The following CPEB2 variants were observed in gnomAD, a reference collection of about 807,000 sequenced individuals.
CPEB2 encodes cytoplasmic polyadenylation element binding protein 2.
In CPEB2, 56 loss-of-function variants were observed where a neutral mutation model predicts 93.6. That is an observed-to-expected ratio of 0.60 (90% CI 0.48 to 0.75). CPEB2 has a LOEUF of 0.75. CPEB2 is among the 30% of genes least tolerant of loss of function. CPEB2 has a pLI of 0.00. For synonymous variants in CPEB2, 764 were observed against 586.3 expected, an observed-to-expected ratio of 1.30 and a Z score of -4.38; for missense variants, 1,579 against 1,395.1, an observed-to-expected ratio of 1.13 and a Z score of -2.10.
At chr4:15,046,503 G>C (rs1464323447) in intron 6 of CPEB2, among the ~76,000 whole-genome samples, 3 of 152,226 alleles carry the variant, frequency 2.0e-5, no homozygotes, top group Non-Finnish European at 4.4e-5. Flanking sequence ...TGGGATTACA[G>C]GCATGAGCCA....
intron 3 of CPEB2, among the ~76,000 whole-genome samples, chr4:15,015,361 C>A (rs988360122): frequency 2.6e-5 from 4 of 151,998 alleles, no homozygotes; most frequent in African/African-American, 9.7e-5. Context: ...CCTCAGGGGC[C>A]TTTCAGTAAA....
Position 15,055,637 on chromosome 4 carries a change from C to T in CPEB2, c.2461+1420C>T, listed in dbSNP as rs554222305. Reference sequence around the variant, plus strand: ...CCAGTCACAGCAGTCTTTGAAAACTCATTGGATGGTGCTATTCCTTACTTA... The same window carrying T: ...CCAGTCACAGCAGTCTTTGAAAACTTATTGGATGGTGCTATTCCTTACTTA... On this transcript the variant is annotated intron_variant, in intron 8 of 11. Transcript: ENST00000538197. Among the ~76,000 whole-genome samples, 13 of 152,254 alleles carry T rather than the reference C, an allele frequency of 8.5e-5. No homozygotes were observed. The East Asian group carries it at 2.5e-3, about 29-fold the overall frequency.
intron 2 of CPEB2, 125 bp downstream of exon 2, chr4:15,007,711 GTAATT>G (rs994353299): frequency 1.9e-6 from 1 of 539,760 alleles, no homozygotes; most frequent in Non-Finnish European, 3.0e-6. Context: ...TTTTAAGCAT[GTAATT>G]TAATTAACAA....
chr4:15,003,533 C>A lies in CPEB2; in HGVS notation c.860C>A (p.Ala287Asp). The A allele has an allele frequency of 6.9e-7, 1 of 1,449,556 alleles. No homozygotes were observed. Among genetic ancestry groups the A allele is most frequent in the East Asian group, 3.1e-5 (1 of 32,422 alleles). The allele number at this position is 1,449,556 out of a possible 1,614,324, so 89.8% of individuals were successfully genotyped here. The change falls in exon 1 of 12, where the codon GCC becomes GAC. Residue 287 changes from alanine (A) to aspartate (D), a missense_variant. This residue lies in a region of CPEB2 where 1,411 missense variants were observed against 1,056.0 expected (regional missense o/e 1.34). Coordinates refer to ENST00000538197, the MANE Select transcript of CPEB2 (RefSeq NM_001177382.2). ...GCGGGCAGCCCTCGCAAGACCCCAG[C>A]CGCGGGCGAGGGCAGCGCCGCCGAG... ...GGAGSPRKTP[A>D]AGEGSAAESP...
chr4:15,065,749 C>G (rs111309547), intron 11 of CPEB2, among the ~76,000 whole-genome samples: 1 of 152,074 alleles, frequency 6.6e-6, no homozygotes, highest in African/African-American at 2.4e-5. Flanking sequence ...TGACTCGCAC[C>G]TGCAGTGGAG....
intron 4 of CPEB2, 100 bp downstream of exon 4, chr4:15,017,378 CAATATAAAA>C: frequency 1.9e-6 from 1 of 529,728 alleles, no homozygotes; most frequent in Non-Finnish European, 3.3e-6. Context: ...CACCTATATC[CAATATAAAA>C]CTCTCTTACA....
At chr4:15,033,458 A>G (rs760182703) in intron 5 of CPEB2, among the ~76,000 whole-genome samples, 21 of 152,296 alleles carry the variant, frequency 1.4e-4, no homozygotes, top group African/African-American at 4.8e-4. Context: ...TGGTTTGAAT[A>G]TTGCCTTTCC....
chr4:15,030,298 T>G (rs910543432), intron 4 of CPEB2, among the ~76,000 whole-genome samples: 20 of 152,114 alleles, frequency 1.3e-4, no homozygotes, highest in African/African-American at 4.1e-4. Flanking sequence ...ATTATTAAGA[T>G]AGCGATTAAG....
chr4:15,003,606 G>T lies in CPEB2; in HGVS notation c.933G>T (p.Pro311=). 6.8e-7 allele frequency: 1 copy of T among 1,477,036 alleles called. No homozygotes were observed. The highest frequency in any genetic ancestry group is 8.9e-7 in the Non-Finnish European group (1 of 1,118,304). 91.5% of individuals were successfully genotyped at this position (1,477,036 alleles called of 1,614,324 possible). A position where few individuals can be genotyped will look rare whatever the true frequency, so the allele number is the denominator to read the frequency against. Residue 311 remains proline, a synonymous_variant, in exon 1 of 12, where the codon CCG becomes CCT. Transcript: ENST00000538197. Reference sequence around the variant, plus strand: ...CCTCGACGCCGGTGAACCCCGCGCCGGGCTCCATGGAGTCCCCCAACCACC... The same window carrying T: ...CCTCGACGCCGGTGAACCCCGCGCCTGGCTCCATGGAGTCCCCCAACCACC... The part of the protein sequence containing the change: ...LASSTPVNPA[P]GSMESPNHPL...
rs776680582 is a variant in CPEB2 at position 15,066,300 on chromosome 4, C to A, written c.3025C>A (p.Arg1009Ser). 1.9e-6 allele frequency: 3 copies of A among 1,613,288 alleles called. No homozygotes were observed. Among genetic ancestry groups the A allele is most frequent in the Non-Finnish European group, 2.5e-6 (3 of 1,179,648 alleles). ...GTTTTGTTGGGCAAATATCCACTCT[C>A]GTGCTGGACGTGAGTTCCATAAGCC... The part of the protein sequence containing the change: ...CEFCWANIHS[R>S]AGREFHKPLV... Residue 1009 changes from arginine (R) to serine (S), a missense_variant, in exon 12 of 12, where the codon CGT becomes AGT. Physicochemically the swap from Arg to Ser is moderately radical, Grantham distance 110 (BLOSUM62 -1). Transcript: ENST00000538197.
chr4:15,026,583 G>A (rs550560710), intron 4 of CPEB2, among the ~76,000 whole-genome samples: 40 of 152,190 alleles, frequency 2.6e-4, no homozygotes, highest in Non-Finnish European at 5.3e-4. Context: ...TGTCATGGGA[G>A]CAATGGCCAC....
intron 6 of CPEB2, among the ~76,000 whole-genome samples, chr4:15,050,921 C>T (rs914135823): frequency 3.9e-5 from 6 of 152,202 alleles, no homozygotes; most frequent in Non-Finnish European, 5.9e-5. Context: ...CTTTTCTCCA[C>T]TTCCTTTTCA....
rs1729944901 is a variant in CPEB2, at chr4:15,069,603, G to T, written c.*3223G>T. On this transcript the variant is annotated 3_prime_UTR_variant, in exon 12 of 12. Transcript: ENST00000538197. ...TGGGTTTTATTTTATTTTAATAGTA[G>T]TAAAATACTTGGAATAATTTTTCAT... is the stretch of plus-strand genomic sequence containing the variant. 1 of 151,642 alleles carries T rather than the reference G, an allele frequency of 6.6e-6. No individual in the cohort carries two copies. The highest frequency in any genetic ancestry group is 2.4e-5 in the African/African-American group (1 of 41,248). The allele number at this position is 151,642 out of a possible 1,614,324, so 9.4% of individuals were successfully genotyped here.
rs770627948 is a variant in CPEB2 at position 15,007,440 on chromosome 4, A to G, written c.1798A>G (p.Ile600Val). Residue 600 changes from isoleucine to valine, a missense_variant, in exon 2 of 12, where the codon ATA becomes GTA. Ile to Val is a conservative substitution (Grantham distance 29, BLOSUM62 3). Around this residue, in one of 2 missense-constraint regions of CPEB2, gnomAD observed 1,411 missense variants for 1,056.0 expected, o/e 1.34. Coordinates refer to ENST00000538197, the MANE Select transcript of CPEB2 (RefSeq NM_001177382.2). ...NMGIPGTMNQ[I>V]SPLKKPFSGN... ...GGGAATCCCAGGAACTATGAATCAG[A>G]TATCTCCATTGAAGAAACCGTTTTC... 7 of 1,614,052 alleles carry G rather than the reference A, an allele frequency of 4.3e-6. No homozygotes were observed. The highest frequency in any genetic ancestry group is 2.5e-6 in the Non-Finnish European group (3 of 1,180,028).
intron 5 of CPEB2, among the ~76,000 whole-genome samples, chr4:15,035,917 G>C (rs1050076878): frequency 1.3e-5 from 2 of 152,174 alleles, no homozygotes; most frequent in Non-Finnish European, 2.9e-5. Context: ...CTAGGCTTGA[G>C]TTTCTTTAAT....
At chr4:15,027,170 C>G (rs1299680592) in intron 4 of CPEB2, among the ~76,000 whole-genome samples, 2 of 152,104 alleles carry the variant, frequency 1.3e-5, no homozygotes, top group East Asian at 3.9e-4. Context: ...TTACCATTTT[C>G]TTGAATCAAA....
intron 6 of CPEB2, among the ~76,000 whole-genome samples, chr4:15,050,308 G>A (rs1728104286): frequency 6.6e-6 from 1 of 152,156 alleles, no homozygotes; most frequent in Admixed American, 6.5e-5. Context: ...CTGATGATCT[G>A]AGGTGGAACA....
chr4:15,042,994 T>G (rs537503931), intron 6 of CPEB2, among the ~76,000 whole-genome samples: 1 of 152,200 alleles, frequency 6.6e-6, no homozygotes, highest in African/African-American at 2.4e-5. Flanking sequence ...TGAGTTGATA[T>G]AATTTTTGCT....
At chr4:15,025,384 T>G (rs193009391) in intron 4 of CPEB2, among the ~76,000 whole-genome samples, 1 of 151,856 alleles carries the variant, frequency 6.6e-6, no homozygotes, top group Non-Finnish European at 1.5e-5. Flanking sequence ...GTTTGTGTTC[T>G]CTTTTTTTCT....
Sources: gnomAD v4.1 joint callset for allele counts (sites outside exome capture counted in the v4.1 genomes callset) on GRCh38, gnomAD v4.1.1 for gene constraint, gnomAD v4.1.1 regional missense constraint, MANE v1.5 for transcripts, NCBI Gene and HGNC (gene_info 2026-07-23, HGNC 2026-07-21) for gene names.